Variants in TRAPPC9 observed in about 807,000 individuals in gnomAD.
TRAPPC9 encodes the protein trafficking protein particle complex subunit 9, also known as IKK2 binding protein.
Under a neutral mutation model 124.0 loss-of-function variants are expected in TRAPPC9, and 83 were observed. The observed-to-expected ratio is 0.67, with a 90% CI of 0.56 to 0.80. TRAPPC9 has a LOEUF of 0.80. Ranked by LOEUF, TRAPPC9 falls within the 30% of genes least tolerant of loss-of-function variation. The pLI is 0.00. For synonymous variants in TRAPPC9, 638 were observed against 617.5 expected (o/e 1.03, Z -0.49); for missense variants, 1,302 against 1,508.3 (o/e 0.86, Z 2.27).
intron 17 of TRAPPC9, among the ~76,000 whole-genome samples, chr8:140,025,937 C>T (rs1840120502): frequency 6.6e-6 from 1 of 152,180 alleles, no homozygotes; most frequent in African/African-American, 2.4e-5. Flanking sequence ...CTCCATCATC[C>T]ATTTCCGTCC....
chr8:139,796,708 T>C (rs1823124745), intron 21 of TRAPPC9, among the ~76,000 whole-genome samples: 1 of 152,260 alleles, frequency 6.6e-6, no homozygotes. Context: ...ACAACGGTGC[T>C]ATGAAGGTTT....
chr8:140,311,624 C>A (rs1359676800), intron 9 of TRAPPC9, among the ~76,000 whole-genome samples: 1 of 152,140 alleles, frequency 6.6e-6, no homozygotes, highest in Non-Finnish European at 1.5e-5. Flanking sequence ...CAGGAGACTT[C>A]CATTTTCCAA....
Position 140,451,270 on chromosome 8 carries a change from T to C in TRAPPC9, c.104A>G (p.Tyr35Cys). 2.5e-6 allele frequency: 4 copies of C among 1,612,894 alleles called. No homozygotes were observed. Among genetic ancestry groups the C allele is most frequent in the South Asian group, 1.1e-5 (1 of 91,084 alleles). ...IVSEENFFRI[Y>C]KRICSVSQIS... ...CTGACTCACAGAGCAAATCCTCTTA[T>C]AGATCCTGAAGAAGTTCTCCTCGGA... is the stretch of plus-strand genomic sequence containing the variant. Residue 35 changes from tyrosine (Y) to cysteine (C), a missense_variant, in exon 2 of 23, where the codon TAT (tyrosine) becomes TGT (cysteine). By Grantham distance (194) the Tyr-to-Cys change is radical. Transcript: ENST00000438773.
At chr8:139,951,264 G>A (rs116244014) in intron 19 of TRAPPC9, among the ~76,000 whole-genome samples, 325 of 152,328 alleles carry the variant, frequency 2.1e-3, no homozygotes, top group African/African-American at 7.6e-3. Context: ...GGTCACAGCT[G>A]GGTGTCCCAG....
intron 17 of TRAPPC9, among the ~76,000 whole-genome samples, chr8:140,091,820 C>A (rs928191241): frequency 6.6e-6 from 1 of 152,190 alleles, no homozygotes; most frequent in Non-Finnish European, 1.5e-5. Context: ...GACTGCTCTA[C>A]CCAGCAGTCT....
chr8:140,233,752 G>GA (rs549304468), intron 16 of TRAPPC9, among the ~76,000 whole-genome samples: 55,683 of 111,826 alleles, frequency 0.5, 13,515 homozygotes, highest in Middle Eastern at 0.64. Context: ...CACATTAAAA[G>GA]AAAAAAAAAA....
rs1822080558 is a variant in TRAPPC9, at chr8:139,784,618, TATATA to T, written c.3056-52421_3056-52417del. Among the ~76,000 whole-genome samples, 5 of 128,018 alleles carry T rather than the reference TATATA, an allele frequency of 3.9e-5. No homozygotes were observed. The Admixed American group carries it at 4.5e-4, about 12-fold the overall frequency. The allele number at this position is 128,018 out of a possible 152,430, so 84.0% of individuals were successfully genotyped here. On this transcript the variant is annotated intron_variant, in intron 21 of 22. Coordinates refer to ENST00000438773, the MANE Select transcript of TRAPPC9 (RefSeq NM_001160372.4). ...TAAATAAAAGACTGACATATATATATATATATATATATATATATATATATATAAAT... is the reference window on the plus strand; with the variant it reads ...TAAATAAAAGACTGACATATATATATTATATATATATATATATATATAAAT...
chr8:139,848,343 C>T lies in TRAPPC9; in HGVS notation c.3055+37536G>A, dbSNP rs143837785. Among the ~76,000 whole-genome samples, 593 of 152,262 alleles carry T rather than the reference C, an allele frequency of 3.9e-3. 2 individuals are homozygous for T. The highest frequency in any genetic ancestry group is 6.7e-3 in the Non-Finnish European group (456 of 68,032). ...GCCTCTAAAGATGACAGAAAATAGA[C>T]GAAATACACACATGCATGAGAGACA... On this transcript the variant is annotated intron_variant, in intron 21 of 22. Coordinates refer to ENST00000438773, the MANE Select transcript of TRAPPC9 (RefSeq NM_001160372.4).
chr8:139,969,360 C>T (rs1029424661), intron 19 of TRAPPC9, among the ~76,000 whole-genome samples: 5 of 152,212 alleles, frequency 3.3e-5, no homozygotes, highest in Non-Finnish European at 7.3e-5. Flanking sequence ...TTTTAATAGC[C>T]GCATCTGCAG....
intron 21 of TRAPPC9, among the ~76,000 whole-genome samples, chr8:139,858,985 A>G (rs1563869061): frequency 6.7e-6 from 1 of 149,964 alleles, no homozygotes; most frequent in Non-Finnish European, 1.5e-5. Context: ...CGAGTTTCAG[A>G]TATCTCTGAG....
Position 140,423,663 on chromosome 8 carries a change from T to TATATACACATATACACATATACAC in TRAPPC9, c.886+2951_886+2952insGTGTATATGTGTATATGTGTATAT, listed in dbSNP as rs55792609. On this transcript the variant is annotated intron_variant, in intron 5 of 22. Transcript: ENST00000438773. ...TATATAACACATATACATACACACA[T>TATATACACATATACACATATACAC]ATATACACATATACACATATATACA... is the stretch of plus-strand genomic sequence containing the variant. 3.2e-3 allele frequency among the ~76,000 whole-genome samples: 470 copies of TATATACACATATACACATATACAC among 144,874 alleles called. 3 individuals carry two copies. Among genetic ancestry groups the TATATACACATATACACATATACAC allele is most frequent in the African/African-American group, 0.011 (394 of 36,368 alleles).
At chr8:139,993,966 T>C (rs991535635) in intron 18 of TRAPPC9, among the ~76,000 whole-genome samples, 1 of 152,186 alleles carries the variant, frequency 6.6e-6, no homozygotes, top group African/African-American at 2.4e-5. Context: ...AAAGCAAATA[T>C]AATATACTGA....
rs774589663 is a variant in TRAPPC9, at chr8:140,360,187, T to G, written c.1358A>C (p.His453Pro). Residue 453 changes from histidine to proline, a missense_variant, in exon 9 of 23, where the codon CAC becomes CCC. By Grantham distance (77) the His-to-Pro change is moderately conservative. Transcript: ENST00000438773. ...LDPKDFSRGT[H>P]RGWAAVQMRL... ...CATCTGGACCGCAGCCCAGCCTCTG[T>G]GCGTGCCTGCGATGGAAGTTACAAA... The G allele has an allele frequency of 1.2e-6, 2 of 1,614,066 alleles. No homozygotes were observed. The highest frequency in any genetic ancestry group is 8.5e-7 in the Non-Finnish European group (1 of 1,180,048).
intron 20 of TRAPPC9, among the ~76,000 whole-genome samples, chr8:139,886,530 C>T (rs1830029052): frequency 6.6e-6 from 1 of 152,166 alleles, no homozygotes. Flanking sequence ...CAGAAATCTC[C>T]CTTGCGCTAG....
chr8:139,946,381 T>A (rs1834212522), intron 19 of TRAPPC9, among the ~76,000 whole-genome samples: 1 of 152,156 alleles, frequency 6.6e-6, no homozygotes, highest in Admixed American at 6.5e-5. Context: ...CATGGCCAGG[T>A]GTGTTAGAAG....
intron 7 of TRAPPC9, among the ~76,000 whole-genome samples, chr8:140,382,919 G>A (rs1387191104): frequency 6.6e-6 from 1 of 152,218 alleles, no homozygotes; most frequent in Admixed American, 6.5e-5. Flanking sequence ...CCCCCAGTAG[G>A]AACAGACTGA....
intron 21 of TRAPPC9, among the ~76,000 whole-genome samples, chr8:139,884,007 C>G (rs1008618277): frequency 2.6e-4 from 40 of 152,200 alleles, no homozygotes; most frequent in African/African-American, 9.4e-4. Flanking sequence ...GGGAGGCACC[C>G]TGAGCCTCCA....
intron 21 of TRAPPC9, 71 bp from the exon 22 acceptor site, chr8:139,732,273 G>A (rs752062408): frequency 9.5e-6 from 13 of 1,365,644 alleles, no homozygotes; most frequent in Admixed American, 9.1e-5. Context: ...CCACCCACTC[G>A]CTGATTCATT....
upstream of TRAPPC9, chr8:140,458,537 C>G: frequency 6.3e-7 from 1 of 1,582,358 alleles, no homozygotes; most frequent in Non-Finnish European, 8.6e-7. Context: ...CTGTGTGGCG[C>G]GCGGTCTTGA....
Sources: allele counts gnomAD v4.1 joint callset (sites outside exome capture counted in the v4.1 genomes callset), GRCh38; gene constraint gnomAD v4.1.1; transcripts MANE v1.5; gene names NCBI Gene and HGNC (gene_info 2026-07-23, HGNC 2026-07-21).